The following AKT3 variants were observed in gnomAD, a reference collection of about 807,000 sequenced individuals.
AKT3 encodes RAC-gamma serine/threonine-protein kinase.
Under a neutral mutation model 65.3 loss-of-function variants are expected in AKT3, and 15 were observed. That is an observed-to-expected ratio of 0.23 (90% CI 0.15 to 0.35). AKT3 has a LOEUF of 0.35. Ranked by LOEUF, AKT3 falls within the 10% of genes least tolerant of loss-of-function variation. The probability of loss-of-function intolerance (pLI) is 1.00; values close to 1 mark genes in which losing one functional copy is unlikely to be tolerated. For missense variants in AKT3, 243 were observed against 576.5 expected (o/e 0.42, Z 5.92); for synonymous variants, 206 against 183.8 (o/e 1.12, Z -0.98).
chr1:243,794,604 T>C (rs912761509), intron 2 of AKT3, among the ~76,000 whole-genome samples: 2 of 152,314 alleles, frequency 1.3e-5, no homozygotes, highest in Middle Eastern at 3.4e-3. Flanking sequence ...ATGGGTGTTA[T>C]CTACTCCTAT....
chr1:243,561,155 T>C (rs969957108), intron 10 of AKT3, among the ~76,000 whole-genome samples: 3 of 152,108 alleles, frequency 2.0e-5, no homozygotes, highest in Non-Finnish European at 2.9e-5. Context: ...TTTTAAATAG[T>C]AGCACTTATT....
chr1:243,798,151 G>A (rs1297430254), intron 2 of AKT3, among the ~76,000 whole-genome samples: 9 of 148,648 alleles, frequency 6.1e-5, no homozygotes, highest in African/African-American at 2.0e-4. Flanking sequence ...CAAAGTGCTG[G>A]GATTACAGGC....
Position 243,503,289 on chromosome 1 carries a change from C to G in AKT3, c.*1960G>C, listed in dbSNP as rs1247730418. On this transcript the variant is annotated 3_prime_UTR_variant, in exon 14 of 14. Coordinates refer to ENST00000673466, the MANE Select transcript of AKT3 (RefSeq NM_005465.7). Reference sequence around the variant, plus strand: ...ACCCCCGTCAGTCCCAGTGGCCCACCCACTGCCAGCAGTGGTTTCATAGCT... The same window carrying G: ...ACCCCCGTCAGTCCCAGTGGCCCACGCACTGCCAGCAGTGGTTTCATAGCT... 7 of 233,578 alleles carry G rather than the reference C, an allele frequency of 3.0e-5. No individual in the cohort carries two copies. In the Admixed American group the frequency reaches 3.4e-4, roughly 11 times the overall value. The allele number at this position is 233,578 out of a possible 1,614,324, so 14.5% of individuals were successfully genotyped here. A position where few individuals can be genotyped will look rare whatever the true frequency, so the allele number is the denominator to read the frequency against.
chr1:243,489,500 C>T (rs572452644), intron 13 of AKT3, among the ~76,000 whole-genome samples: 10 of 152,274 alleles, frequency 6.6e-5, no homozygotes, highest in African/African-American at 2.4e-4. Flanking sequence ...CCTTGAGCTG[C>T]CTCTGAAGGT....
intron 2 of AKT3, among the ~76,000 whole-genome samples, chr1:243,713,659 C>G (rs911607036): frequency 1.3e-5 from 2 of 150,836 alleles, no homozygotes; most frequent in Non-Finnish European, 3.0e-5. Context: ...CATCCTACCC[C>G]CCTAAACAGA....
intron 2 of AKT3, among the ~76,000 whole-genome samples, chr1:243,812,326 GA>G (rs1280440866): frequency 6.6e-6 from 1 of 151,928 alleles, no homozygotes; most frequent in Non-Finnish European, 1.5e-5. Flanking sequence ...AAATTTACAA[GA>G]AAAAAACAAA....
At chr1:243,544,470 T>G (rs1483699550) in intron 12 of AKT3, among the ~76,000 whole-genome samples, 1 of 151,786 alleles carries the variant, frequency 6.6e-6, no homozygotes, top group African/African-American at 2.4e-5. Context: ...ACCAAAAACG[T>G]AGGCAGGTAT....
At chr1:243,800,265 T>A (rs1277020132) in intron 2 of AKT3, among the ~76,000 whole-genome samples, 2 of 152,188 alleles carry the variant, frequency 1.3e-5, no homozygotes, top group Admixed American at 6.5e-5. Context: ...CATCTGCAAA[T>A]CAAGGATAAA....
chr1:243,583,878 C>A (rs1463118172), intron 8 of AKT3, among the ~76,000 whole-genome samples: 1 of 151,862 alleles, frequency 6.6e-6, no homozygotes, highest in African/African-American at 2.4e-5. Flanking sequence ...AGAAAGATCT[C>A]AAATTAATAC....
intron 2 of AKT3, among the ~76,000 whole-genome samples, chr1:243,755,844 A>T (rs936565737): frequency 6.6e-6 from 1 of 152,214 alleles, no homozygotes; most frequent in African/African-American, 2.4e-5. Flanking sequence ...TCCCCAAAGT[A>T]TGCATTAAAA....
intron 2 of AKT3, among the ~76,000 whole-genome samples, chr1:243,746,061 G>A (rs181520581): frequency 2.0e-5 from 3 of 152,030 alleles, no homozygotes; most frequent in African/African-American, 7.3e-5. Context: ...TTCCCTATGT[G>A]GAATCAAAAA....
chr1:243,785,331 G>A (rs935252714), intron 2 of AKT3, among the ~76,000 whole-genome samples: 2 of 151,770 alleles, frequency 1.3e-5, no homozygotes, highest in African/African-American at 2.4e-5. Flanking sequence ...GCCCGCCTCG[G>A]CCTCCCAAAG....
At chr1:243,796,168 G>C (rs1182140098) in intron 2 of AKT3, among the ~76,000 whole-genome samples, 1 of 152,164 alleles carries the variant, frequency 6.6e-6, no homozygotes, top group African/African-American at 2.4e-5. Flanking sequence ...AAGAGGTATA[G>C]CAGCTTCTGT....
At chr1:243,512,704 G>GT (rs1670095560) in intron 12 of AKT3, among the ~76,000 whole-genome samples, 1 of 152,142 alleles carries the variant, frequency 6.6e-6, no homozygotes, top group East Asian at 1.9e-4. Flanking sequence ...ATCTGTGCTG[G>GT]TTTTTTTCCC....
intron 13 of AKT3, among the ~76,000 whole-genome samples, chr1:243,507,736 G>C (rs939541890): frequency 3.9e-5 from 6 of 152,124 alleles, no homozygotes; most frequent in Non-Finnish European, 5.9e-5. Context: ...TGCATCCAAG[G>C]AACATCAGTT....
intron 8 of AKT3, among the ~76,000 whole-genome samples, chr1:243,581,830 C>T (rs1159454182): frequency 1.3e-5 from 2 of 150,218 alleles, no homozygotes; most frequent in Non-Finnish European, 1.5e-5. Context: ...AGTTGAAAAT[C>T]AACAAAAAAA....
At chr1:243,539,555 T>C (rs917395697) in intron 12 of AKT3, among the ~76,000 whole-genome samples, 5 of 152,108 alleles carry the variant, frequency 3.3e-5, no homozygotes, top group Admixed American at 3.3e-4. Context: ...TTCAAGTGTA[T>C]ATAGAACATA....
intron 2 of AKT3, among the ~76,000 whole-genome samples, chr1:243,819,754 G>A (rs906577968): frequency 6.6e-6 from 1 of 152,198 alleles, no homozygotes; most frequent in Non-Finnish European, 1.5e-5. Context: ...CTGGCATCAG[G>A]TCGGTGCCCC....
At chr1:243,726,877 C>T (rs146012676) in intron 2 of AKT3, among the ~76,000 whole-genome samples, 1 of 152,208 alleles carries the variant, frequency 6.6e-6, no homozygotes, top group East Asian at 1.9e-4. Flanking sequence ...CATCCTTCAA[C>T]AAACTCTGGC....
Sources: allele counts gnomAD v4.1 joint callset (sites outside exome capture counted in the v4.1 genomes callset), GRCh38; gene constraint gnomAD v4.1.1; transcripts MANE v1.5; gene names NCBI Gene and HGNC (gene_info 2026-07-23, HGNC 2026-07-21).